C16orf96: variants seen among roughly 807,000 people sequenced by gnomAD.
The protein encoded by C16orf96 is chromosome 16 open reading frame 96, also known as uncharacterized protein C16orf96.
In C16orf96, 108 loss-of-function variants were observed where a neutral mutation model predicts 103.6. The ratio of observed to expected loss-of-function variants is 1.04; its 90% CI spans 0.89 to 1.22. The LOEUF (loss-of-function observed/expected upper bound fraction) is 1.22. Among genes scored for constraint, C16orf96 ranks in the 50% most tolerant of loss-of-function variants. The pLI is 0.00. For synonymous variants in C16orf96, 566 were observed against 593.5 expected (o/e 0.95, Z 0.67); for missense variants, 1,586 against 1,464.2 (o/e 1.08, Z -1.36).
At chr16:4,591,919 C>A (rs1897068296) in intron 10 of C16orf96, 135 bp downstream of exon 10, 2 of 743,356 alleles carry the variant, frequency 2.7e-6, no homozygotes. Flanking sequence ...GCTGAAAGCA[C>A]TGAGGAGGAG....
rs968935919 is a variant in C16orf96 at position 4,593,483 on chromosome 16, G to T, written c.2867+167G>T. On this transcript the variant is annotated intron_variant, in intron 12 of 15. Coordinates refer to ENST00000444310, the MANE Select transcript of C16orf96 (RefSeq NM_001145011.2). This position sits in a 1 kb window ranked among gnomAD's most constrained non-coding sequence, Gnocchi z 4.2. ...AGGCACTCCGAGAGGTGGCTGGGGC[G>T]GCAGACAGGCCCACGAGATGATGGC... is the stretch of plus-strand genomic sequence containing the variant. 1.3e-5 allele frequency among the ~76,000 whole-genome samples: 2 copies of T among 150,944 alleles called. No individual in the cohort carries two copies. The highest frequency in any genetic ancestry group is 4.9e-5 in the African/African-American group (2 of 40,982).
chr16:4,571,652 A>C lies in C16orf96; in HGVS notation c.512A>C (p.Asn171Thr), dbSNP rs1302878461. ...ALRKEVDMLK[N>T]MLDKVHPERM... ...AGAAAAGAAGTGGACATGCTGAAGA[A>C]CATGCTTGACAAGGTAGGCCCTCCC... The change falls in exon 2 of 16, where the codon AAC (asparagine) becomes ACC (threonine). Residue 171 changes from asparagine (N) to threonine (T), a missense_variant. Coordinates refer to ENST00000444310, the MANE Select transcript of C16orf96 (RefSeq NM_001145011.2). The C allele has an allele frequency of 6.4e-7, 1 of 1,551,694 alleles. No individual in the cohort carries two copies. The highest frequency in any genetic ancestry group is 8.7e-7 in the Non-Finnish European group (1 of 1,146,896).
chr16:4,585,862 T>C (rs1348908239), intron 7 of C16orf96, among the ~76,000 whole-genome samples: 1 of 152,170 alleles, frequency 6.6e-6, no homozygotes, highest in African/African-American at 2.4e-5. Context: ...AAAGACTGCA[T>C]GTTCTCACTT....
At chr16:4,563,135 T>C in intron 1 of C16orf96, 1 of 778,104 alleles carries the variant, frequency 1.3e-6, no homozygotes, top group Non-Finnish European at 2.3e-6. Flanking sequence ...TTTGTCAACC[T>C]CACTGTCAGA....
At chr16:4,585,581 C>G (rs1035442778) in intron 7 of C16orf96, among the ~76,000 whole-genome samples, 5 of 152,196 alleles carry the variant, frequency 3.3e-5, no homozygotes, top group Admixed American at 6.5e-5. Context: ...AGAGCCCAGG[C>G]TTTGGAACAG....
chr16:4,555,366 TC>T (rs2059253442), upstream of C16orf96, among the ~76,000 whole-genome samples: 1 of 151,588 alleles, frequency 6.6e-6, no homozygotes, highest in Non-Finnish European at 1.5e-5. Flanking sequence ...TGAATGTAGT[TC>T]TTCAGATTCT....
intron 7 of C16orf96, among the ~76,000 whole-genome samples, chr16:4,583,909 A>G (rs1470619308): frequency 7.5e-6 from 1 of 132,784 alleles, no homozygotes; most frequent in Non-Finnish European, 1.6e-5. Context: ...TGGGCGAGAG[A>G]GCAAGACTGT....
Position 4,595,979 on chromosome 16 carries a change from G to A in C16orf96, c.3127+1176G>A, listed in dbSNP as rs184023849. ...AAGGATTACAGGCATGAGCCTCTGC[G>A]CCTGGCCCACCGGCAGAAATTCTTT... On this transcript the variant is annotated intron_variant, in intron 14 of 15. Coordinates refer to ENST00000444310, the MANE Select transcript of C16orf96 (RefSeq NM_001145011.2). 5.9e-5 allele frequency among the ~76,000 whole-genome samples: 9 copies of A among 152,106 alleles called. No individual in the cohort carries two copies. In the East Asian group the frequency reaches 1.6e-3, roughly 26 times the overall value.
At chr16:4,553,375 G>A (rs888469207), upstream of C16orf96, among the ~76,000 whole-genome samples, 10 of 152,128 alleles carry the variant, frequency 6.6e-5, no homozygotes, top group Non-Finnish European at 1.0e-4. Context: ...GTCAAGGAGC[G>A]ATTTGTATTT....
intron 1 of C16orf96, 21 bp downstream of exon 1, chr16:4,556,930 C>T (rs2059271059): frequency 6.6e-7 from 1 of 1,518,502 alleles, no homozygotes; most frequent in Non-Finnish European, 8.9e-7. Context: ...AGCCTCCAGA[C>T]ACTTCTTTTC....
At chr16:4,562,400 G>C (rs1190789459) in intron 1 of C16orf96, among the ~76,000 whole-genome samples, 1 of 151,260 alleles carries the variant, frequency 6.6e-6, no homozygotes, top group Admixed American at 6.6e-5. Flanking sequence ...GAGCCTGGGA[G>C]GTCGAGGCTG....
intron 1 of C16orf96, among the ~76,000 whole-genome samples, chr16:4,568,606 TTTTTCTTTTTC>T (rs1247692954): frequency 1.4e-5 from 2 of 146,938 alleles, no homozygotes; most frequent in East Asian, 2.1e-4. Flanking sequence ...TGCTCTTCTT[TTTTTCTTTTTC>T]TTTTCTTTTT....
At chr16:4,567,530 A>T (rs1641859) in intron 1 of C16orf96, among the ~76,000 whole-genome samples, 2 of 151,256 alleles carry the variant, frequency 1.3e-5, no homozygotes, top group South Asian at 2.1e-4. Flanking sequence ...TCATCCGCCC[A>T]CCTCGGCCTC....
chr16:4,570,789 T>A lies in C16orf96; in HGVS notation c.421-772T>A, dbSNP rs934353865. Among the ~76,000 whole-genome samples the A allele has an allele frequency of 7.2e-5, 11 of 152,218 alleles. No individual in the cohort carries two copies. In the East Asian group the frequency reaches 1.7e-3, roughly 24 times the overall value. The stretch of plus-strand genomic sequence containing the variant: ...CTCGCAACACACTTCTGACACCAGA[T>A]GTGTGAGGATTTCTCCCTACAGCAA... On this transcript the variant is annotated intron_variant, in intron 1 of 15. Transcript: ENST00000444310.
chr16:4,585,563 T>C (rs1375341327), intron 7 of C16orf96, among the ~76,000 whole-genome samples: 1 of 152,186 alleles, frequency 6.6e-6, no homozygotes, highest in Non-Finnish European at 1.5e-5. Flanking sequence ...CTGGAGTGGC[T>C]GTGGTTCAGA....
At chr16:4,561,448 A>C (rs2059330123) in intron 1 of C16orf96, 1 of 152,246 alleles carries the variant, frequency 6.6e-6, no homozygotes, top group Admixed American at 6.6e-5. Context: ...GCAAGTTATG[A>C]GGGCCTTGCA....
At chr16:4,540,858 C>G in the C16orf96 span, among the ~76,000 whole-genome samples, 1 of 151,930 alleles carries the variant, frequency 6.6e-6, no homozygotes, top group African/African-American at 2.4e-5. Flanking sequence ...GTCCTCCTGC[C>G]TCAGCCTCCC....
Position 4,588,154 on chromosome 16 carries a change from C to T in C16orf96, c.2428-13C>T. ...CCAGCAGCCATGCCTCCCTGAACTC[C>T]CTGTCTCCCTAGAAAGCTGACAGGA... On this transcript the variant is annotated splice_polypyrimidine_tract_variant and intron_variant, in intron 8 of 15. Transcript: ENST00000444310. 1 of 1,549,344 alleles carries T rather than the reference C, an allele frequency of 6.5e-7. No homozygotes were observed. Among genetic ancestry groups the T allele is most frequent in the Non-Finnish European group, 8.7e-7 (1 of 1,145,900 alleles).
At chr16:4,581,136 G>GTATATATA (rs1434659974) in intron 7 of C16orf96, among the ~76,000 whole-genome samples, 1 of 40,776 alleles carries the variant, frequency 2.5e-5, no homozygotes, top group African/African-American at 6.7e-5. Context: ...AAATATATAT[G>GTATATATA]TATACATATA....
Sources: gnomAD v4.1 joint callset for allele counts (sites outside exome capture counted in the v4.1 genomes callset) on GRCh38, gnomAD v4.1.1 for gene constraint, Gnocchi (gnomAD v3.1) non-coding constraint, MANE v1.5 for transcripts, NCBI Gene and HGNC (gene_info 2026-07-23, HGNC 2026-07-21) for gene names.